The following EPHB1 variants were observed in gnomAD, a reference collection of about 807,000 sequenced individuals.
EPHB1 encodes the protein ephrin type-B receptor 1.
A neutral mutation model predicts 94.4 loss-of-function variants in EPHB1; 30 were observed. That is an observed-to-expected ratio of 0.32 (90% CI 0.24 to 0.43). The LOEUF is 0.43. Ranked by LOEUF, EPHB1 falls within the 20% of genes least tolerant of loss-of-function variation. EPHB1 has a pLI of 1.00. For missense variants in EPHB1, 1,055 were observed against 1,308.3 expected (o/e 0.81, Z 2.99); for synonymous variants, 522 against 489.1 (o/e 1.07, Z -0.89).
At chr3:135,256,091 TTATTTTGAGCC>T (rs1228147294) in intron 15 of EPHB1, among the ~76,000 whole-genome samples, 1 of 152,126 alleles carries the variant, frequency 6.6e-6, no homozygotes, top group Non-Finnish European at 1.5e-5. Context: ...CTCCATCCTT[TTATTTTGAGCC>T]TATGTGTGTC....
intron 11 of EPHB1, among the ~76,000 whole-genome samples, chr3:135,194,998 G>A (rs558389780): frequency 1.6e-4 from 24 of 152,240 alleles, no homozygotes; most frequent in African/African-American, 5.3e-4. Flanking sequence ...ATGCTTTCCT[G>A]GGGACATTCA....
At chr3:135,076,828 T>C (rs1032512433) in intron 3 of EPHB1, among the ~76,000 whole-genome samples, 6 of 152,212 alleles carry the variant, frequency 3.9e-5, no homozygotes, top group African/African-American at 9.6e-5. Context: ...TGCTAAGTTA[T>C]TGAAGCCAGA....
intron 3 of EPHB1, among the ~76,000 whole-genome samples, chr3:135,074,246 T>TTATG (rs1937828686): frequency 6.6e-6 from 1 of 152,246 alleles, no homozygotes; most frequent in Non-Finnish European, 1.5e-5. Context: ...CATTCTCCAA[T>TTATG]TGATCAGTGG....
rs139970502 is a variant in EPHB1, at chr3:134,849,530, C to T, written c.58+53841C>T. On this transcript the variant is annotated intron_variant, in intron 1 of 15. Coordinates refer to ENST00000398015, the MANE Select transcript of EPHB1 (RefSeq NM_004441.5). ...CCCTGGGAAGAGGGTGTTTGGCTTA[C>T]GAGCATTTGCAGTTGAGATGGAGGT... Among the ~76,000 whole-genome samples the T allele has an allele frequency of 4.0e-3, 607 of 152,232 alleles. 4 individuals are homozygous for T. Among genetic ancestry groups the T allele is most frequent in the African/African-American group, 0.014 (569 of 41,544 alleles).
intron 3 of EPHB1, among the ~76,000 whole-genome samples, chr3:135,082,036 C>A (rs1217335041): frequency 6.6e-6 from 1 of 151,854 alleles, no homozygotes; most frequent in Non-Finnish European, 1.5e-5. Flanking sequence ...AATGCAGGCT[C>A]TTCCCAGCAT....
intron 4 of EPHB1, among the ~76,000 whole-genome samples, chr3:135,127,826 C>T (rs932794069): frequency 6.6e-6 from 1 of 152,162 alleles, no homozygotes; most frequent in African/African-American, 2.4e-5. Context: ...TAGAAGGATC[C>T]TGTTTAACTC....
intron 2 of EPHB1, among the ~76,000 whole-genome samples, chr3:134,939,229 G>T (rs1483694348): frequency 6.6e-6 from 1 of 152,154 alleles, no homozygotes; most frequent in Non-Finnish European, 1.5e-5. Context: ...CATCTTTGCT[G>T]TGAGTTCACA....
chr3:135,055,337 G>A lies in EPHB1; in HGVS notation c.806-51111G>A, dbSNP rs560477952. Among the ~76,000 whole-genome samples, 25 of 152,246 alleles carry A rather than the reference G, an allele frequency of 1.6e-4. No homozygotes were observed. The South Asian group carries it at 3.3e-3, about 20-fold the overall frequency. Reference sequence around the variant, plus strand: ...AGGAAAGACACTCGATCATAACACCGGCTCACATCTCTCAGGCCCTCCCGT... The same window carrying A: ...AGGAAAGACACTCGATCATAACACCAGCTCACATCTCTCAGGCCCTCCCGT... On this transcript the variant is annotated intron_variant, in intron 3 of 15. Coordinates refer to ENST00000398015, the MANE Select transcript of EPHB1 (RefSeq NM_004441.5).
At chr3:135,190,438 A>C (rs1178253973) in intron 10 of EPHB1, among the ~76,000 whole-genome samples, 1 of 152,224 alleles carries the variant, frequency 6.6e-6, no homozygotes, top group Non-Finnish European at 1.5e-5. Context: ...CCAAATATGT[A>C]ATTTGTGTTC....
At chr3:135,195,034 CAGTTGAATAAACAAAGTTGAATGAAGTTG>C (rs1942560365) in intron 11 of EPHB1, among the ~76,000 whole-genome samples, 1 of 152,092 alleles carries the variant, frequency 6.6e-6, no homozygotes, top group Non-Finnish European at 1.5e-5. Context: ...CTCATGAAGA[CAGTTGAATAAACAAAGTTGAATGAAGTTG>C]AGTTGAATAA....
chr3:135,069,824 TA>T (rs576594347), intron 3 of EPHB1, among the ~76,000 whole-genome samples: 14 of 147,902 alleles, frequency 9.5e-5, no homozygotes, highest in East Asian at 2.0e-4. Flanking sequence ...AATACATGAT[TA>T]AAAAAAAAAG....
intron 3 of EPHB1, among the ~76,000 whole-genome samples, chr3:135,001,761 A>G (rs1165194438): frequency 6.6e-6 from 1 of 151,980 alleles, no homozygotes; most frequent in Non-Finnish European, 1.5e-5. Flanking sequence ...TTCTTTCCTC[A>G]TAATGTATCT....
chr3:135,072,297 A>G (rs1937747180), intron 3 of EPHB1, among the ~76,000 whole-genome samples: 1 of 152,074 alleles, frequency 6.6e-6, no homozygotes, highest in Non-Finnish European at 1.5e-5. Context: ...GACAGGAGAA[A>G]CGCTTGAACC....
chr3:135,207,647 A>G (rs1942933903), intron 12 of EPHB1, among the ~76,000 whole-genome samples: 2 of 152,220 alleles, frequency 1.3e-5, no homozygotes, highest in Admixed American at 1.3e-4. Flanking sequence ...AGAGGAAGAG[A>G]TGGTGCTACA....
At chr3:135,159,700 G>A (rs956970187) in intron 6 of EPHB1, among the ~76,000 whole-genome samples, 12 of 152,164 alleles carry the variant, frequency 7.9e-5, no homozygotes, top group African/African-American at 2.7e-4. Flanking sequence ...TCCTCTGCAG[G>A]CAATCTCTCC....
At chr3:135,218,668 C>G (rs1576477052) in intron 12 of EPHB1, among the ~76,000 whole-genome samples, 1 of 152,244 alleles carries the variant, frequency 6.6e-6, no homozygotes, top group Non-Finnish European at 1.5e-5. Context: ...GGCTGTTCTC[C>G]TAGCCAATAC....
At chr3:135,181,986 T>C (rs1942166520) in intron 10 of EPHB1, among the ~76,000 whole-genome samples, 1 of 152,226 alleles carries the variant, frequency 6.6e-6, no homozygotes, top group Non-Finnish European at 1.5e-5. Flanking sequence ...TCTGCCCAGT[T>C]ACCATTCTGT....
chr3:134,842,544 A>G (rs931002380), intron 1 of EPHB1, among the ~76,000 whole-genome samples: 8 of 152,210 alleles, frequency 5.3e-5, no homozygotes, highest in Non-Finnish European at 2.9e-5. Flanking sequence ...AACAAAACCC[A>G]AAATCCCTCT....
intron 1 of EPHB1, among the ~76,000 whole-genome samples, chr3:134,879,021 G>A (rs2037674125): frequency 6.6e-6 from 1 of 152,178 alleles, no homozygotes; most frequent in Non-Finnish European, 1.5e-5. Context: ...GATGGAAAAG[G>A]AAGTTGAAAG....
Sources: gnomAD v4.1 joint callset for allele counts (sites outside exome capture counted in the v4.1 genomes callset) on GRCh38, gnomAD v4.1.1 for gene constraint, MANE v1.5 for transcripts, NCBI Gene and HGNC (gene_info 2026-07-23, HGNC 2026-07-21) for gene names.